The following TMEM132D variants were observed in gnomAD, a reference collection of about 807,000 sequenced individuals.
TMEM132D encodes the protein mature OL transmembrane protein.
TMEM132D carries 21 observed loss-of-function variants against 62.3 expected under a neutral mutation model. The ratio of observed to expected loss-of-function variants is 0.34; its 90% confidence interval spans 0.24 to 0.49. The LOEUF (loss-of-function observed/expected upper bound fraction) is 0.49. TMEM132D is among the 20% of genes least tolerant of loss of function. The pLI, the probability that TMEM132D is intolerant of heterozygous loss-of-function variation, is 0.99. For synonymous variants in TMEM132D, 621 were observed against 575.6 expected (o/e 1.08, Z -1.13); for missense variants, 1,346 against 1,402.8 (o/e 0.96, Z 0.65).
chr12:129,748,097 A>C (rs761899017), intron 1 of TMEM132D, among the ~76,000 whole-genome samples: 2 of 152,204 alleles, frequency 1.3e-5, no homozygotes, highest in Non-Finnish European at 2.9e-5. Flanking sequence ...CATTGCTCAG[A>C]TGCATGGATG....
At chr12:129,524,303 T>C (rs891211309) in intron 3 of TMEM132D, among the ~76,000 whole-genome samples, 1 of 152,136 alleles carries the variant, frequency 6.6e-6, no homozygotes, top group Non-Finnish European at 1.5e-5. Context: ...CATCTATACC[T>C]GTATTAACTC....
In TMEM132D at chr12:129,475,556, C is replaced by G. The variant is rs562259978; in HGVS notation, c.1115+55503G>C. 1.4e-3 allele frequency among the ~76,000 whole-genome samples: 216 copies of G among 152,300 alleles called. 3 individuals are homozygous for G. The highest frequency in any genetic ancestry group is 3.1e-3 in the South Asian group (15 of 4,824). ...GCAATATTTCTTAAAGCAGTTGGATCCCATGCCACCTTATTAAAAACAAAT... is the reference window on the plus strand; with the variant it reads ...GCAATATTTCTTAAAGCAGTTGGATGCCATGCCACCTTATTAAAAACAAAT... On this transcript the variant is annotated intron_variant, in intron 3 of 8. Coordinates refer to ENST00000422113, the MANE Select transcript of TMEM132D (RefSeq NM_133448.3).
intron 1 of TMEM132D, among the ~76,000 whole-genome samples, chr12:129,787,416 T>G (rs993659764): frequency 6.6e-6 from 1 of 152,202 alleles, no homozygotes; most frequent in African/African-American, 2.4e-5. Flanking sequence ...CCTGAGGATA[T>G]TTTATCTCCT....
chr12:129,308,652 A>G (rs1040467416), intron 4 of TMEM132D, among the ~76,000 whole-genome samples: 6 of 152,192 alleles, frequency 3.9e-5, no homozygotes, highest in African/African-American at 1.4e-4. Context: ...AGAGCAGAAC[A>G]CCTCTTAATT....
chr12:129,373,360 C>T (rs537968591), intron 3 of TMEM132D, among the ~76,000 whole-genome samples: 5 of 152,256 alleles, frequency 3.3e-5, no homozygotes, highest in East Asian at 1.9e-4. Flanking sequence ...AAGCCAGGCG[C>T]GGTGGCTCAC....
chr12:129,833,896 C>T (rs1293678200), intron 1 of TMEM132D, among the ~76,000 whole-genome samples: 1 of 152,076 alleles, frequency 6.6e-6, no homozygotes, highest in East Asian at 1.9e-4. Context: ...ATGCCTAAAA[C>T]TATTTTTTTT....
chr12:129,152,444 C>T (rs945596961), intron 5 of TMEM132D, among the ~76,000 whole-genome samples: 5 of 152,208 alleles, frequency 3.3e-5, no homozygotes, highest in Admixed American at 2.6e-4. Flanking sequence ...CTGCTCATCA[C>T]CTTCCTGCTC....
At chr12:129,460,149 G>C (rs1873613280) in intron 3 of TMEM132D, among the ~76,000 whole-genome samples, 2 of 152,116 alleles carry the variant, frequency 1.3e-5, no homozygotes, top group Non-Finnish European at 1.5e-5. Context: ...AAATCATACG[G>C]GTTCTACTTC....
intron 1 of TMEM132D, among the ~76,000 whole-genome samples, chr12:129,860,861 T>C (rs1310558600): frequency 6.6e-6 from 1 of 152,112 alleles, no homozygotes; most frequent in Non-Finnish European, 1.5e-5. Flanking sequence ...AATCATCTGA[T>C]CTCATGAGAA....
intron 5 of TMEM132D, among the ~76,000 whole-genome samples, chr12:129,153,328 T>A (rs1877133781): frequency 6.6e-6 from 1 of 152,096 alleles, no homozygotes; most frequent in Admixed American, 6.6e-5. Context: ...ATGCAGAATT[T>A]AAATGTGGTG....
intron 3 of TMEM132D, among the ~76,000 whole-genome samples, chr12:129,454,372 C>T (rs1349930024): frequency 2.6e-5 from 4 of 152,220 alleles, no homozygotes; most frequent in Non-Finnish European, 1.5e-5. Context: ...CCAAAGCCAA[C>T]AGGATCAATA....
chr12:129,859,612 G>C (rs991565023), intron 1 of TMEM132D, among the ~76,000 whole-genome samples: 15 of 152,154 alleles, frequency 9.9e-5, no homozygotes, highest in African/African-American at 3.6e-4. Flanking sequence ...GTGTGGGCGG[G>C]CACCAACCAA....
In TMEM132D at chr12:129,356,292, G is replaced by A. The variant is rs1194890032; in HGVS notation, c.1116-18475C>T. 1.2e-4 allele frequency among the ~76,000 whole-genome samples: 8 copies of A among 68,592 alleles called. 4 individuals are homozygous for A. The highest frequency in any genetic ancestry group is 2.7e-4 in the African/African-American group (4 of 14,936). 45.0% of individuals were successfully genotyped at this position (68,592 alleles called of 152,430 possible). ...CTGCCTCAGCCTCCCAAGTAGCTGG[G>A]ACTACAGGCGCCCGCCACTACGCCC... is the stretch of plus-strand genomic sequence containing the variant. On this transcript the variant is annotated intron_variant, in intron 3 of 8. Transcript: ENST00000422113.
chr12:129,710,639 A>G (rs1027417429), intron 1 of TMEM132D, among the ~76,000 whole-genome samples: 2 of 152,132 alleles, frequency 1.3e-5, no homozygotes, highest in Non-Finnish European at 2.9e-5. Context: ...TCTCTTGCCT[A>G]TTTATTTTAT....
chr12:129,249,792 ACATTTGGAAAAGGAACCGTGGAT>A, intron 4 of TMEM132D, among the ~76,000 whole-genome samples: 1 of 152,306 alleles, frequency 6.6e-6, no homozygotes, highest in South Asian at 2.1e-4. Flanking sequence ...TCTGAGAACC[ACATTTGGAAAAGGAACCGTGGAT>A]CAGCCAGGGT....
At chr12:129,877,473 G>A (rs373173979) in intron 1 of TMEM132D, among the ~76,000 whole-genome samples, 14 of 152,158 alleles carry the variant, frequency 9.2e-5, no homozygotes, top group African/African-American at 3.4e-4. Context: ...CCTTAAACGC[G>A]TAAAACAGAT....
At chr12:129,647,101 CAT>C (rs35894473) in intron 2 of TMEM132D, among the ~76,000 whole-genome samples, 33,609 of 140,384 alleles carry the variant, frequency 0.24, 4,170 homozygotes, top group Middle Eastern at 0.34. Flanking sequence ...CGCCCAACCA[CAT>C]GTTTTTATAC....
intron 1 of TMEM132D, among the ~76,000 whole-genome samples, chr12:129,768,221 T>TTG (rs1375491708): frequency 1.3e-5 from 2 of 152,166 alleles, no homozygotes; most frequent in Non-Finnish European, 2.9e-5. Flanking sequence ...TTAAATTCTT[T>TTG]TGTATATATA....
chr12:129,474,254 C>T (rs879872119), intron 3 of TMEM132D, among the ~76,000 whole-genome samples: 2 of 152,190 alleles, frequency 1.3e-5, no homozygotes, highest in Non-Finnish European at 2.9e-5. Flanking sequence ...GATGTATGCC[C>T]TTCTGCTCCC....
Sources: allele counts gnomAD v4.1 joint callset (sites outside exome capture counted in the v4.1 genomes callset), GRCh38; gene constraint gnomAD v4.1.1; transcripts MANE v1.5; gene names NCBI Gene and HGNC (gene_info 2026-07-23, HGNC 2026-07-21).